The following PTPRN2 variants were observed in gnomAD, a reference collection of about 807,000 sequenced individuals.
PTPRN2 encodes protein tyrosine phosphatase receptor type N2, also known as receptor-type tyrosine-protein phosphatase N2.
A neutral mutation model predicts 118.8 loss-of-function variants in PTPRN2; 74 were observed. The ratio of observed to expected loss-of-function variants is 0.62; its 90% CI spans 0.52 to 0.76. The LOEUF (loss-of-function observed/expected upper bound fraction) is 0.76, where lower values mean the gene tolerates loss of function less well. Among genes scored for constraint, PTPRN2 ranks in the 30% least tolerant of loss-of-function variants. The pLI is 0.00. For missense variants in PTPRN2, 1,481 were observed against 1,394.4 expected (o/e 1.06, Z -0.99); for synonymous variants, 641 against 608.0 (o/e 1.05, Z -0.80).
intron 3 of PTPRN2, among the ~76,000 whole-genome samples, chr7:158,270,832 A>ACCGCCCCCCACC (rs1491217373): frequency 1.9e-4 from 1 of 5,170 alleles, no homozygotes; most frequent in African/African-American, 1.2e-3. Flanking sequence ...CTCCACCTGG[A>ACCGCCCCCCACC]TGACCCCCTC....
intron 1 of PTPRN2, among the ~76,000 whole-genome samples, chr7:158,536,841 C>T (rs1389418982): frequency 6.6e-6 from 1 of 152,232 alleles, no homozygotes; most frequent in Non-Finnish European, 1.5e-5. Flanking sequence ...CAAGGGCCTT[C>T]CCAGCCCACC....
chr7:158,459,094 C>T (rs1331638212), intron 2 of PTPRN2, among the ~76,000 whole-genome samples: 1 of 152,204 alleles, frequency 6.6e-6, no homozygotes, highest in Non-Finnish European at 1.5e-5. Context: ...GGACTTGCTG[C>T]ACACACAGGG....
chr7:157,775,224 G>A (rs867233033), intron 12 of PTPRN2, among the ~76,000 whole-genome samples: 4 of 152,196 alleles, frequency 2.6e-5, no homozygotes, highest in Non-Finnish European at 4.4e-5. Flanking sequence ...GCAACCACTC[G>A]CTCTCACCCT....
intron 12 of PTPRN2, among the ~76,000 whole-genome samples, chr7:157,800,871 G>A (rs1025904060): frequency 1.3e-5 from 2 of 151,762 alleles, no homozygotes; most frequent in African/African-American, 4.8e-5. Context: ...AGAATGGCGT[G>A]AACCCGGGAG....
chr7:158,496,330 C>T (rs1821852401), intron 1 of PTPRN2, among the ~76,000 whole-genome samples: 1 of 101,512 alleles, frequency 9.9e-6, no homozygotes, highest in African/African-American at 4.0e-5. Context: ...CCTGTGGCCC[C>T]TCCCCTTCCC....
intron 11 of PTPRN2, among the ~76,000 whole-genome samples, chr7:157,950,237 T>C (rs1800721947): frequency 6.6e-6 from 1 of 152,204 alleles, no homozygotes; most frequent in Non-Finnish European, 1.5e-5. Context: ...AGGGTCCAAT[T>C]GTCTCACCTT....
At chr7:157,720,596 C>A (rs1280555680) in intron 12 of PTPRN2, among the ~76,000 whole-genome samples, 1 of 152,218 alleles carries the variant, frequency 6.6e-6, no homozygotes, top group East Asian at 1.9e-4. Flanking sequence ...CACGCGGGGA[C>A]CGAGGGAGTC....
intron 3 of PTPRN2, among the ~76,000 whole-genome samples, chr7:158,261,698 CT>C (rs1382347262): frequency 6.6e-6 from 1 of 152,180 alleles, no homozygotes; most frequent in Non-Finnish European, 1.5e-5. Context: ...GGGTCCCTGT[CT>C]GGGCATGCAC....
In PTPRN2 at chr7:157,603,602, G is replaced by A. The variant is rs1302001456; in HGVS notation, c.2418+400C>T. On this transcript the variant is annotated intron_variant, in intron 16 of 22. Transcript: ENST00000389418. This position sits in a 1 kb window ranked among gnomAD's most constrained non-coding sequence, Gnocchi z 5.4. ...ATTCTGGACCTGCCTCCAAGCCACT[G>A]ATTGTTACAAAAAGCGTAGACTGAG... 6.6e-6 allele frequency among the ~76,000 whole-genome samples: 1 copy of A among 152,208 alleles called. No homozygotes were observed. Among genetic ancestry groups the A allele is most frequent in the Non-Finnish European group, 1.5e-5 (1 of 68,038 alleles).
At chr7:158,155,848 T>A (rs1411513649) in intron 6 of PTPRN2, among the ~76,000 whole-genome samples, 1 of 151,846 alleles carries the variant, frequency 6.6e-6, no homozygotes, top group Non-Finnish European at 1.5e-5. Context: ...GGGAATGGAC[T>A]GTGCTCCTTT....
chr7:157,734,081 A>G (rs2707934), intron 12 of PTPRN2, among the ~76,000 whole-genome samples: 590 of 17,232 alleles, frequency 0.034, 66 homozygotes, highest in African/African-American at 0.088. Context: ...CGTCCCATGC[A>G]CCCAGCACAG....
intron 12 of PTPRN2, among the ~76,000 whole-genome samples, chr7:157,797,653 C>T (rs1457393887): frequency 6.6e-6 from 1 of 152,198 alleles, no homozygotes; most frequent in Non-Finnish European, 1.5e-5. Flanking sequence ...CAGAGAGCTG[C>T]CCTGCAGGCC....
chr7:157,937,471 G>A (rs567406300), intron 11 of PTPRN2, among the ~76,000 whole-genome samples: 17 of 152,348 alleles, frequency 1.1e-4, no homozygotes, highest in East Asian at 1.9e-4. Flanking sequence ...CTACTAAGCC[G>A]CTGTTGTCAG....
intron 1 of PTPRN2, among the ~76,000 whole-genome samples, chr7:158,499,785 ATGTG>A (rs760084326): frequency 7.7e-5 from 11 of 143,594 alleles, no homozygotes; most frequent in East Asian, 2.2e-4. Flanking sequence ...ATATGTGTGT[ATGTG>A]TGTGTGTGTG....
chr7:157,882,108 CAT>C (rs1796164515), intron 12 of PTPRN2, among the ~76,000 whole-genome samples: 2 of 146,438 alleles, frequency 1.4e-5, no homozygotes, highest in Non-Finnish European at 3.0e-5. Flanking sequence ...GACTGTCATA[CAT>C]CAGCACATGC....
At chr7:158,547,948 C>A (rs570989905) in intron 1 of PTPRN2, among the ~76,000 whole-genome samples, 1 of 152,220 alleles carries the variant, frequency 6.6e-6, no homozygotes, top group African/African-American at 2.4e-5. Flanking sequence ...CCAGGCACGA[C>A]CTTGCCCATG....
chr7:158,582,992 G>A (rs937227969), intron 1 of PTPRN2, among the ~76,000 whole-genome samples: 4 of 152,026 alleles, frequency 2.6e-5, no homozygotes, highest in Non-Finnish European at 5.9e-5. Context: ...TGGCTCACCC[G>A]CAAAGCCAGT....
At chr7:157,613,778 T>G (rs73515067) in intron 15 of PTPRN2, among the ~76,000 whole-genome samples, 15,154 of 152,236 alleles carry the variant, frequency 0.1, 914 homozygotes, top group African/African-American at 0.17. Context: ...AACTGCCGTT[T>G]GTCGCGTAGT....
chr7:157,727,156 G>A (rs1242716167), intron 12 of PTPRN2, among the ~76,000 whole-genome samples: 1 of 152,192 alleles, frequency 6.6e-6, no homozygotes, highest in African/African-American at 2.4e-5. Flanking sequence ...TGAAAGCAGG[G>A]TCTTGAAGAG....
Sources: gnomAD v4.1 joint callset for allele counts (sites outside exome capture counted in the v4.1 genomes callset) on GRCh38, gnomAD v4.1.1 for gene constraint, Gnocchi (gnomAD v3.1) non-coding constraint, MANE v1.5 for transcripts, NCBI Gene and HGNC (gene_info 2026-07-23, HGNC 2026-07-21) for gene names.